CCSER1: variants seen among roughly 807,000 people sequenced by gnomAD.
CCSER1 encodes the protein coiled-coil serine rich protein 1.
CCSER1 carries 41 observed loss-of-function variants against 82.0 expected under a neutral mutation model. The observed-to-expected ratio is 0.50, with a 90% CI of 0.39 to 0.65. The LOEUF is 0.65. Ranked by LOEUF, CCSER1 falls within the 30% of genes least tolerant of loss-of-function variation. The pLI, the probability that CCSER1 is intolerant of heterozygous loss-of-function variation, is 0.00. For synonymous variants in CCSER1, 414 were observed against 383.9 expected, an observed-to-expected ratio of 1.08 and a Z score of -0.92; for missense variants, 1,119 against 1,064.2, an observed-to-expected ratio of 1.05 and a Z score of -0.72.
chr4:91,325,464 G>T (rs1746494721), intron 10 of CCSER1, among the ~76,000 whole-genome samples: 1 of 152,154 alleles, frequency 6.6e-6, no homozygotes, highest in South Asian at 2.1e-4. Context: ...TCAAGAGAAG[G>T]AAGGGAGAAT....
chr4:90,130,913 C>T (rs1223784433), intron 1 of CCSER1, among the ~76,000 whole-genome samples: 3 of 152,070 alleles, frequency 2.0e-5, no homozygotes, highest in African/African-American at 7.2e-5. Flanking sequence ...CCCACTGCGC[C>T]CTGCCCACAT....
intron 10 of CCSER1, among the ~76,000 whole-genome samples, chr4:91,347,483 A>AT (rs951935035): frequency 3.7e-4 from 49 of 130,914 alleles, no homozygotes; most frequent in East Asian, 1.4e-3. Flanking sequence ...ACACATTATT[A>AT]TTTTTTTTTT....
chr4:90,937,289 T>A (rs952548240), intron 9 of CCSER1, among the ~76,000 whole-genome samples: 1 of 152,084 alleles, frequency 6.6e-6, no homozygotes, highest in Non-Finnish European at 1.5e-5. Flanking sequence ...AGAACAAGCA[T>A]GGTGACAGGG....
intron 1 of CCSER1, among the ~76,000 whole-genome samples, chr4:90,128,124 C>G (rs1038409059): frequency 5.3e-5 from 8 of 152,250 alleles, no homozygotes; most frequent in Non-Finnish European, 1.0e-4. Context: ...GCGGCCGCGG[C>G]GGCCGCTCCA....
intron 6 of CCSER1, among the ~76,000 whole-genome samples, chr4:90,705,377 C>G (rs1317529673): frequency 1.3e-5 from 2 of 152,208 alleles, no homozygotes; most frequent in South Asian, 4.1e-4. Context: ...TTGTCAGTCT[C>G]CCCCTACTGG....
chr4:91,105,164 A>T, intron 10 of CCSER1, among the ~76,000 whole-genome samples: 1 of 152,260 alleles, frequency 6.6e-6, no homozygotes, highest in African/African-American at 2.4e-5. Context: ...TCTGTGTCAG[A>T]TAATTATCCT....
In CCSER1 at chr4:91,472,336, A is replaced by G. The variant is rs944036293; in HGVS notation, c.2218-126236A>G. Among the ~76,000 whole-genome samples the G allele has an allele frequency of 2.0e-5, 3 of 152,336 alleles. No individual in the cohort carries two copies. The East Asian group carries it at 5.8e-4, about 29-fold the overall frequency. ...AAATGTCTTGGCTGGAATTCATATT[A>G]ACATGAATAAAAGGAACTCAAGAGT... On this transcript the variant is annotated intron_variant, in intron 10 of 10. Coordinates refer to ENST00000509176, the MANE Select transcript of CCSER1 (RefSeq NM_001145065.2).
intron 10 of CCSER1, among the ~76,000 whole-genome samples, chr4:91,102,495 A>G (rs144121102): frequency 1.3e-5 from 2 of 152,328 alleles, no homozygotes; most frequent in Admixed American, 1.3e-4. Context: ...AGCGGATTTT[A>G]CAAAGAGATG....
intron 4 of CCSER1, among the ~76,000 whole-genome samples, chr4:90,453,097 A>G (rs1761695118): frequency 6.6e-6 from 1 of 152,180 alleles, no homozygotes; most frequent in Non-Finnish European, 1.5e-5. Context: ...ACCTTCTCAA[A>G]CAGGTGGGGG....
chr4:91,170,450 T>C (rs1042704775), intron 10 of CCSER1, among the ~76,000 whole-genome samples: 1 of 152,098 alleles, frequency 6.6e-6, no homozygotes, highest in Admixed American at 6.5e-5. Flanking sequence ...CACGTGACTG[T>C]GTTATTTGTT....
intron 9 of CCSER1, among the ~76,000 whole-genome samples, chr4:91,008,522 G>A (rs1416158347): frequency 6.6e-5 from 10 of 151,920 alleles, no homozygotes; most frequent in African/African-American, 9.7e-5. Flanking sequence ...ATAGTCACCC[G>A]TGCTCTCTTT....
At chr4:90,295,939 G>A (rs1051711833) in intron 1 of CCSER1, among the ~76,000 whole-genome samples, 1 of 151,542 alleles carries the variant, frequency 6.6e-6, no homozygotes, top group African/African-American at 2.4e-5. Context: ...CTGGACCTGT[G>A]ATGACATTTT....
At position 91,120,444 on chromosome 4, in the gene CCSER1, T is replaced by C. The variant is rs1409205756; in HGVS notation, c.2217+34450T>C. On this transcript the variant is annotated intron_variant, in intron 10 of 10. Coordinates refer to ENST00000509176, the MANE Select transcript of CCSER1 (RefSeq NM_001145065.2). ...TTCCACCTCTTAGAGATTACTTCAG[T>C]ATTACTTGAAAGAAAAATCAAAGAT... Among the ~76,000 whole-genome samples, 3 of 151,988 alleles carry C rather than the reference T, an allele frequency of 2.0e-5. 1 individual carries two copies. Among genetic ancestry groups the C allele is most frequent in the Non-Finnish European group, 4.4e-5 (3 of 67,902 alleles).
In CCSER1 at chr4:91,600,989, T is replaced by C. The variant is rs1560794010; in HGVS notation, c.*1932T>C. 1.3e-5 allele frequency: 2 copies of C among 152,104 alleles called. No individual in the cohort carries two copies. Among genetic ancestry groups the C allele is most frequent in the Non-Finnish European group, 2.9e-5 (2 of 67,976 alleles). The allele number at this position is 152,104 out of a possible 1,614,324, so 9.4% of individuals were successfully genotyped here. ...TAGGAAAATAGAAAAATCATGATTA[T>C]TAATTGTGGAATTCAGCTTGATTTG... On this transcript the variant is annotated 3_prime_UTR_variant, in exon 11 of 11. Coordinates refer to ENST00000509176, the MANE Select transcript of CCSER1 (RefSeq NM_001145065.2).
intron 4 of CCSER1, among the ~76,000 whole-genome samples, chr4:90,423,544 T>G (rs1241063452): frequency 6.6e-6 from 1 of 151,744 alleles, no homozygotes; most frequent in East Asian, 2.0e-4. Context: ...ATTCATTTTC[T>G]TTTTTTATTA....
At position 91,265,921 on chromosome 4, in the gene CCSER1, G is replaced by T. The variant is rs184177944; in HGVS notation, c.2217+179927G>T. Among the ~76,000 whole-genome samples the T allele has an allele frequency of 3.3e-5, 5 of 152,256 alleles. No individual in the cohort carries two copies. The East Asian group carries it at 7.7e-4, about 24-fold the overall frequency. ...CTCACAGTTTCACGTGGCTGGGGAG[G>T]CCTTACAATCATGAGGGAAGGCAAA... On this transcript the variant is annotated intron_variant, in intron 10 of 10. Transcript: ENST00000509176.
At chr4:91,417,689 CA>C (rs147589862) in intron 10 of CCSER1, among the ~76,000 whole-genome samples, 260 of 151,604 alleles carry the variant, frequency 1.7e-3, no homozygotes, top group African/African-American at 6.1e-3. Flanking sequence ...TGGGGCCTGT[CA>C]TTGGGGGTCA....
chr4:90,730,927 A>G (rs1489545704), intron 7 of CCSER1, among the ~76,000 whole-genome samples: 1 of 152,186 alleles, frequency 6.6e-6, no homozygotes, highest in East Asian at 1.9e-4. Context: ...ATAAAGACTT[A>G]AGATCTTATT....
chr4:90,428,798 T>C (rs922596455), intron 4 of CCSER1, among the ~76,000 whole-genome samples: 1 of 151,814 alleles, frequency 6.6e-6, no homozygotes, highest in African/African-American at 2.4e-5. Flanking sequence ...TAAGTAAACA[T>C]TATGAACATC....
Sources: gnomAD v4.1 joint callset for allele counts (sites outside exome capture counted in the v4.1 genomes callset) on GRCh38, gnomAD v4.1.1 for gene constraint, MANE v1.5 for transcripts, NCBI Gene and HGNC (gene_info 2026-07-23, HGNC 2026-07-21) for gene names.